Variants in SLC66A1 observed in about 807,000 individuals in gnomAD.
SLC66A1 encodes the protein solute carrier family 66 member 1, also known as lysosomal amino acid transporter 1 homolog.
SLC66A1 carries 23 observed loss-of-function variants against 33.0 expected under a neutral mutation model. The ratio of observed to expected loss-of-function variants is 0.70; its 90% CI spans 0.50 to 0.99. The LOEUF is 0.99. Ranked by LOEUF, SLC66A1 falls within the 50% of genes least tolerant of loss-of-function variation. SLC66A1 has a pLI of 0.00. For missense variants in SLC66A1, 335 were observed against 383.6 expected (o/e 0.87, Z 1.06); for synonymous variants, 164 against 175.5 (o/e 0.93, Z 0.52).
intron 7 of SLC66A1, 175 bp downstream of exon 7, chr1:19,327,587 T>C (rs2093876101): frequency 1.2e-6 from 1 of 811,730 alleles, no homozygotes; most frequent in African/African-American, 1.9e-5. Flanking sequence ...ACACCTCCTG[T>C]GTGCCAGGCA....
intron 7 of SLC66A1, chr1:19,327,747 A>G (rs1322525207): frequency 2.1e-6 from 1 of 471,280 alleles, no homozygotes; most frequent in Admixed American, 2.4e-5. Flanking sequence ...AAAAACAACA[A>G]GAGCGTCTAG....
At chr1:19,315,830 G>A (rs2093802168) in intron 1 of SLC66A1, among the ~76,000 whole-genome samples, 1 of 152,166 alleles carries the variant, frequency 6.6e-6, no homozygotes, top group African/African-American at 2.4e-5. Context: ...ATGAGCAGGG[G>A]TGTAGGTCTG....
intron 1 of SLC66A1, among the ~76,000 whole-genome samples, chr1:19,316,468 C>A (rs1204437516): frequency 6.6e-6 from 1 of 151,678 alleles, no homozygotes; most frequent in Non-Finnish European, 1.5e-5. Flanking sequence ...TGCTCTGCAA[C>A]CTCCACTTCC....
intron 2 of SLC66A1, among the ~76,000 whole-genome samples, chr1:19,319,321 T>C (rs1362675965): frequency 1.3e-5 from 2 of 152,232 alleles, no homozygotes; most frequent in African/African-American, 2.4e-5. Flanking sequence ...TGCCAGCCAC[T>C]AGTCTACTTT....
intron 1 of SLC66A1, among the ~76,000 whole-genome samples, chr1:19,315,749 T>C (rs1253751264): frequency 6.6e-6 from 1 of 152,136 alleles, no homozygotes; most frequent in Admixed American, 6.5e-5. Context: ...CCTCTCTCTC[T>C]CTCGAGCCAC....
downstream of SLC66A1, among the ~76,000 whole-genome samples, chr1:19,329,959 C>T (rs969037895): frequency 3.3e-5 from 5 of 151,996 alleles, no homozygotes; most frequent in Admixed American, 1.3e-4. Flanking sequence ...TTCCTGGACC[C>T]GCAAACTCAG....
chr1:19,317,067 T>C (rs2093810120), intron 1 of SLC66A1, among the ~76,000 whole-genome samples: 1 of 152,124 alleles, frequency 6.6e-6, no homozygotes, highest in African/African-American at 2.4e-5. Flanking sequence ...GGCTACAACC[T>C]GCTTTAAATT....
chr1:19,314,686 G>A (rs1237140490), intron 1 of SLC66A1, among the ~76,000 whole-genome samples: 1 of 152,216 alleles, frequency 6.6e-6, no homozygotes, highest in Non-Finnish European at 1.5e-5. Flanking sequence ...TTCCAGGGCT[G>A]CTCAGCCTCA....
chr1:19,330,598 G>C (rs2093889671), downstream of SLC66A1, among the ~76,000 whole-genome samples: 1 of 152,192 alleles, frequency 6.6e-6, no homozygotes, highest in Non-Finnish European at 1.5e-5. Flanking sequence ...CTTTGAGCTG[G>C]ATCTTGAAGG....
rs1037933430 is a variant in SLC66A1, at chr1:19,320,993, G to A, written c.164+3152G>A. 6.0e-5 allele frequency among the ~76,000 whole-genome samples: 9 copies of A among 149,764 alleles called. 2 individuals are homozygous for A. Among genetic ancestry groups the A allele is most frequent in the African/African-American group, 2.3e-4 (9 of 39,248 alleles). ...CTCCCAAAGTGCTGAGATTACAACT[G>A]TGAACCACCCTGCTCGGCCGTCTTT... is the stretch of plus-strand genomic sequence containing the variant. On this transcript the variant is annotated intron_variant, in intron 2 of 7. Transcript: ENST00000375153.
chr1:19,325,633 AGTT>A (rs199660210), intron 4 of SLC66A1, 51 bp downstream of exon 4: 340,766 of 873,204 alleles, frequency 0.39, 59,381 homozygotes, highest in Non-Finnish European at 0.44. Context: ...AGCAGGGGGC[AGTT>A]GTGGGGGGGG....
At chr1:19,324,129 A>C (rs2093851054) in intron 2 of SLC66A1, among the ~76,000 whole-genome samples, 1 of 152,256 alleles carries the variant, frequency 6.6e-6, no homozygotes, top group African/African-American at 2.4e-5. Flanking sequence ...TGCCCTCTAA[A>C]GAGAACTGGG....
intron 1 of SLC66A1, among the ~76,000 whole-genome samples, chr1:19,314,483 G>A (rs183481105): frequency 2.1e-4 from 32 of 152,266 alleles, no homozygotes; most frequent in Admixed American, 1.3e-3. Context: ...TCCCTAACCT[G>A]GGGAAAGGGG....
Position 19,327,246 on chromosome 1 carries a change from A to G in SLC66A1, c.638A>G (p.Gln213Arg). ...CCCCAGTTCCTCCGGAAGTCCACCC[A>G]GGGGATCTCCTACTCTCTGTTCGCG... is the stretch of plus-strand genomic sequence containing the variant. ...IRTNFLRKST[Q>R]GISYSLFALV... The change falls in exon 7 of 8, where the codon CAG (glutamine) becomes CGG (arginine). Residue 213 changes from glutamine (Q) to arginine (R), a missense_variant. Gln to Arg is a conservative substitution (Grantham distance 43, BLOSUM62 1). Transcript: ENST00000375153. 1 of 1,613,764 alleles carries G rather than the reference A, an allele frequency of 6.2e-7. No homozygotes were observed. The highest frequency in any genetic ancestry group is 8.5e-7 in the Non-Finnish European group (1 of 1,179,792).
intron 3 of SLC66A1, among the ~76,000 whole-genome samples, 182 bp downstream of exon 3, chr1:19,324,944 C>T (rs552008430): frequency 4.6e-5 from 7 of 152,322 alleles, no homozygotes; most frequent in African/African-American, 1.7e-4. Context: ...GGTCACTGCT[C>T]TTCTCTGGGC....
At position 19,324,714 on chromosome 1, in the gene SLC66A1, C is replaced by T. The variant is rs773595927; in HGVS notation, c.246C>T (p.Asp82=). 3 of 1,614,020 alleles carry T rather than the reference C, an allele frequency of 1.9e-6. No homozygotes were observed. The East Asian group carries it at 6.7e-5, about 36-fold the overall frequency. Residue 82 remains aspartate, a synonymous_variant, in exon 3 of 8, where the codon GAC becomes GAT. Coordinates refer to ENST00000375153, the MANE Select transcript of SLC66A1 (RefSeq NM_001040125.2). ...TCCTCCTGGGCTGGATTGGCGGAGA[C>T]TCCTGCAACCTCATCGGCTCCTTCC... ...LWFLLGWIGG[D]SCNLIGSFLA...
At chr1:19,333,243 C>T (rs1425087107), downstream of SLC66A1, among the ~76,000 whole-genome samples, 2 of 152,066 alleles carry the variant, frequency 1.3e-5, no homozygotes, top group Non-Finnish European at 1.5e-5. This position sits in a 1 kb window ranked among gnomAD's most constrained non-coding sequence, Gnocchi z 4.2. Context: ...AGAGTCACTC[C>T]GTCACCCAGG....
At chr1:19,323,698 G>A (rs540011632) in intron 2 of SLC66A1, among the ~76,000 whole-genome samples, 1 of 152,234 alleles carries the variant, frequency 6.6e-6, no homozygotes, top group East Asian at 1.9e-4. Context: ...TGAGCCAACC[G>A]TGTCTGGCCA....
chr1:19,323,994 C>T (rs922376841), intron 2 of SLC66A1, among the ~76,000 whole-genome samples: 1 of 152,202 alleles, frequency 6.6e-6, no homozygotes, highest in African/African-American at 2.4e-5. Flanking sequence ...GGCCTCGTAC[C>T]CACACCTGGC....
Sources: allele counts gnomAD v4.1 joint callset (sites outside exome capture counted in the v4.1 genomes callset), GRCh38; gene constraint gnomAD v4.1.1; non-coding constraint Gnocchi (gnomAD v3.1); transcripts MANE v1.5; gene names NCBI Gene and HGNC (gene_info 2026-07-23, HGNC 2026-07-21).